The following TPRG1 variants were observed in gnomAD, a reference collection of about 807,000 sequenced individuals.
The protein encoded by TPRG1 is tumor protein p63 regulated 1.
In TPRG1, 29 loss-of-function variants were observed where a neutral mutation model predicts 29.3. That is an observed-to-expected ratio of 0.99 (90% CI 0.74 to 1.35). The LOEUF (loss-of-function observed/expected upper bound fraction) is 1.35. TPRG1 is among the 40% of genes most tolerant of loss of function. The pLI is 0.00. For missense variants in TPRG1, 327 were observed against 335.0 expected (o/e 0.98, Z 0.19); for synonymous variants, 130 against 116.8 (o/e 1.11, Z -0.73).
chr3:189,204,947 T>TCACA (rs35018569), intron 1 of TPRG1, among the ~76,000 whole-genome samples: 1,828 of 147,158 alleles, frequency 0.012, 26 homozygotes, highest in Admixed American at 0.021. Flanking sequence ...TCTCTCTCTC[T>TCACA]CACACACACA....
intron 1 of TPRG1, among the ~76,000 whole-genome samples, chr3:189,113,357 A>C (rs1466530932): frequency 6.6e-6 from 1 of 152,140 alleles, no homozygotes; most frequent in Non-Finnish European, 1.5e-5. Flanking sequence ...TCCTAATTGA[A>C]TACCCTTTAT....
At chr3:189,079,268 C>T (rs887369519) in intron 4 of TPRG1, among the ~76,000 whole-genome samples, 9 of 152,074 alleles carry the variant, frequency 5.9e-5, no homozygotes, top group African/African-American at 1.9e-4. Flanking sequence ...CACATGACCC[C>T]GACACCTCCC....
intron 3 of TPRG1, among the ~76,000 whole-genome samples, chr3:189,134,623 T>C (rs746043983): frequency 6.6e-5 from 10 of 151,982 alleles, no homozygotes; most frequent in Non-Finnish European, 1.3e-4. Context: ...CACAATGTGG[T>C]ACAGGCTGGT....
intron 4 of TPRG1, among the ~76,000 whole-genome samples, chr3:189,034,495 TAAAC>T (rs1348624969): frequency 6.6e-6 from 1 of 152,128 alleles, no homozygotes; most frequent in Non-Finnish European, 1.5e-5. Flanking sequence ...ATTGGCAACA[TAAAC>T]AATATATCAA....
intron 3 of TPRG1, among the ~76,000 whole-genome samples, chr3:189,141,251 C>A (rs1560481767): frequency 6.6e-6 from 1 of 152,120 alleles, no homozygotes. Context: ...AAGTAAGAAA[C>A]ACACACAGAC....
At chr3:189,144,635 A>G (rs998172680) in intron 3 of TPRG1, among the ~76,000 whole-genome samples, 2 of 152,240 alleles carry the variant, frequency 1.3e-5, no homozygotes, top group East Asian at 3.8e-4. Context: ...AGGAAATAGT[A>G]TGAGTTTCCT....
At chr3:189,120,975 G>A (rs1041785459) in intron 1 of TPRG1, among the ~76,000 whole-genome samples, 2 of 152,200 alleles carry the variant, frequency 1.3e-5, no homozygotes, top group Non-Finnish European at 2.9e-5. Flanking sequence ...TTAAGGACAT[G>A]TGTGGGAAAG....
intron 4 of TPRG1, among the ~76,000 whole-genome samples, chr3:189,071,683 A>G (rs1295034316): frequency 6.6e-6 from 1 of 152,264 alleles, no homozygotes; most frequent in African/African-American, 2.4e-5. Context: ...ACCTTTCAGC[A>G]TATCATTAGC....
At chr3:189,208,746 T>C (rs1734802467) in intron 2 of TPRG1, among the ~76,000 whole-genome samples, 1 of 152,244 alleles carries the variant, frequency 6.6e-6, no homozygotes, top group Non-Finnish European at 1.5e-5. Flanking sequence ...AAAGTTAAGC[T>C]GTGTGATATA....
intron 4 of TPRG1, among the ~76,000 whole-genome samples, chr3:189,276,092 A>G (rs775009665): frequency 6.7e-4 from 102 of 152,154 alleles, no homozygotes; most frequent in Admixed American, 2.2e-3. Context: ...TTGAAACAGT[A>G]TATGTGATGA....
At chr3:189,299,036 CAGG>C (rs1322005238) in intron 4 of TPRG1, among the ~76,000 whole-genome samples, 4 of 149,486 alleles carry the variant, frequency 2.7e-5, no homozygotes, top group Non-Finnish European at 5.9e-5. Flanking sequence ...GAAATGGAAA[CAGG>C]AGATTTAGAA....
intron 1 of TPRG1, among the ~76,000 whole-genome samples, chr3:188,997,424 C>T (rs1711873281): frequency 6.6e-6 from 1 of 152,092 alleles, no homozygotes; most frequent in East Asian, 1.9e-4. Context: ...GAAAATCTTT[C>T]CTCAGATTTT....
chr3:189,272,007 C>T (rs188086884), intron 4 of TPRG1, among the ~76,000 whole-genome samples: 49 of 152,278 alleles, frequency 3.2e-4, no homozygotes, highest in Admixed American at 1.2e-3. Flanking sequence ...TTCCTATACG[C>T]GCTGATGCCC....
intron 4 of TPRG1, among the ~76,000 whole-genome samples, chr3:189,269,360 C>T (rs184132787): frequency 8.5e-5 from 13 of 152,170 alleles, no homozygotes; most frequent in Admixed American, 5.2e-4. Flanking sequence ...ATTTTGTTTT[C>T]GTTTTTCACT....
At chr3:189,272,670 CTTCCTTTCT>C (rs1360832096) in intron 4 of TPRG1, among the ~76,000 whole-genome samples, 10 of 139,384 alleles carry the variant, frequency 7.2e-5, no homozygotes, top group East Asian at 2.1e-4. Flanking sequence ...TTCTTTCTTC[CTTCCTTTCT>C]TTCCTTTCTT....
At chr3:189,004,668 C>T (rs542135031) in exon 3 of TPRG1, 14 of 152,250 alleles carry the variant, frequency 9.2e-5, no homozygotes, top group African/African-American at 3.4e-4. Context: ...TTCAGGCCTC[C>T]TTTTTGAGAC....
intron 4 of TPRG1, among the ~76,000 whole-genome samples, chr3:189,283,084 C>T (rs1717430642): frequency 6.6e-6 from 1 of 152,178 alleles, no homozygotes; most frequent in African/African-American, 2.4e-5. Context: ...TAAATCAACC[C>T]ACTCTCAAGG....
intron 4 of TPRG1, among the ~76,000 whole-genome samples, chr3:189,065,672 T>C (rs1359532342): frequency 1.3e-5 from 2 of 152,136 alleles, no homozygotes; most frequent in African/African-American, 4.8e-5. Context: ...TGACTTGATA[T>C]GAACATCTAC....
chr3:189,206,808 C>CGTGTGTGTGT (rs142505576), intron 1 of TPRG1, among the ~76,000 whole-genome samples: 17,979 of 147,560 alleles, frequency 0.12, 1,189 homozygotes, highest in Middle Eastern at 0.22. Flanking sequence ...GCTGAACAAC[C>CGTGTGTGTGT]GTGTGTGTGT....
Sources: allele counts gnomAD v4.1 joint callset (sites outside exome capture counted in the v4.1 genomes callset), GRCh38; gene constraint gnomAD v4.1.1; transcripts MANE v1.5; gene names NCBI Gene and HGNC (gene_info 2026-07-23, HGNC 2026-07-21).